The following SPATA31H1 variants were observed in gnomAD, a reference collection of about 807,000 sequenced individuals.
SPATA31H1 encodes the protein spermatogenesis-associated protein 31H1.
At chr2:27,575,042 A>T in the SPATA31H1 span, 3 of 398,594 alleles carry the variant, frequency 7.5e-6, no homozygotes, top group Admixed American at 1.3e-4. The surrounding 1 kb of genome is among the most constrained non-coding windows in gnomAD (Gnocchi z 4.1). Context: ...CTTCACAGTT[A>T]CAAGATAGAA....
chr2:27,563,153 G>T, the SPATA31H1 span, among the ~76,000 whole-genome samples: 2 of 151,958 alleles, frequency 1.3e-5, no homozygotes, highest in South Asian at 2.1e-4. Context: ...CCTGATATTT[G>T]TAAGTTGTTC....
the SPATA31H1 span, chr2:27,573,885 T>A: frequency 2.5e-6 from 1 of 398,466 alleles, no homozygotes; most frequent in South Asian, 1.3e-4. Flanking sequence ...AAGCAAGAAA[T>A]CATCTGAATT....
At chr2:27,554,638 A>G in the SPATA31H1 span, among the ~76,000 whole-genome samples, 1 of 152,000 alleles carries the variant, frequency 6.6e-6, no homozygotes. Context: ...CAGTGGCATG[A>G]TCTCAGCTCA....
At chr2:27,547,643 C>A in the SPATA31H1 span, among the ~76,000 whole-genome samples, 2 of 152,026 alleles carry the variant, frequency 1.3e-5, no homozygotes, top group South Asian at 2.1e-4. Context: ...AAATAATAAG[C>A]CTTCTGATCT....
chr2:27,578,783 C>T, the SPATA31H1 span: 1 of 1,614,076 alleles, frequency 6.2e-7, no homozygotes, highest in Non-Finnish European at 8.5e-7. Context: ...GCTCTTCAAC[C>T]ACACTCATTT....
chr2:27,575,151 A>G, the SPATA31H1 span: 1 of 398,516 alleles, frequency 2.5e-6, no homozygotes. The surrounding 1 kb of genome is among the most constrained non-coding windows in gnomAD (Gnocchi z 4.1). Flanking sequence ...TGGGTTGATA[A>G]AGCTTCAGAC....
At chr2:27,565,901 T>G in the SPATA31H1 span, 1 of 656,194 alleles carries the variant, frequency 1.5e-6, no homozygotes, top group Non-Finnish European at 2.8e-6. Flanking sequence ...ATGGGTTAAG[T>G]CTGAGATCTA....
the SPATA31H1 span, chr2:27,575,251 C>T: frequency 2.5e-6 from 1 of 398,504 alleles, no homozygotes; most frequent in Non-Finnish European, 4.4e-6. The surrounding 1 kb of genome is among the most constrained non-coding windows in gnomAD (Gnocchi z 4.1). Context: ...CATAGTGTGG[C>T]ACCTTCTGAG....
chr2:27,572,903 A>G, the SPATA31H1 span: 1 of 398,244 alleles, frequency 2.5e-6, no homozygotes. Context: ...CCCAAGGACC[A>G]CAGCTGCAAA....
the SPATA31H1 span, among the ~76,000 whole-genome samples, chr2:27,559,377 T>C: frequency 6.6e-5 from 10 of 152,220 alleles, no homozygotes; most frequent in African/African-American, 2.4e-4. Context: ...TTTTTGTTCA[T>C]CTATTCCCAT....
chr2:27,557,838 G>A, the SPATA31H1 span, among the ~76,000 whole-genome samples: 1 of 52,868 alleles, frequency 1.9e-5, no homozygotes, highest in African/African-American at 8.5e-5. Flanking sequence ...CCTCCCTCCC[G>A]GACGGGGCGG....
chr2:27,577,846 G>C, the SPATA31H1 span: 3 of 1,614,156 alleles, frequency 1.9e-6, no homozygotes, highest in African/African-American at 4.0e-5. The surrounding 1 kb of genome is among the most constrained non-coding windows in gnomAD (Gnocchi z 4.5). Flanking sequence ...AAGCAAACAA[G>C]TCAAGTTATA....
the SPATA31H1 span, among the ~76,000 whole-genome samples, chr2:27,561,325 C>T: frequency 4.6e-5 from 7 of 152,050 alleles, no homozygotes; most frequent in African/African-American, 1.7e-4. Flanking sequence ...GAAACTCTGT[C>T]TCAAAACAAA....
chr2:27,538,753 C>T, the SPATA31H1 span, among the ~76,000 whole-genome samples: 1 of 151,960 alleles, frequency 6.6e-6, no homozygotes, highest in African/African-American at 2.4e-5. Context: ...AACACTTGAA[C>T]CTGGGAGGCA....
the SPATA31H1 span, chr2:27,571,937 C>A: frequency 1.8e-5 from 7 of 398,450 alleles, no homozygotes; most frequent in African/African-American, 1.4e-4. Context: ...TGGATTTAAC[C>A]CTTGAGCCTG....
At chr2:27,579,062 A>G in the SPATA31H1 span, 1 of 1,614,204 alleles carries the variant, frequency 6.2e-7, no homozygotes, top group South Asian at 1.1e-5. Flanking sequence ...AGAGGAAGCA[A>G]ATGGAGGAGC....
At chr2:27,579,076 A>G in the SPATA31H1 span, 1 of 1,614,270 alleles carries the variant, frequency 6.2e-7, no homozygotes, top group Non-Finnish European at 8.5e-7. Context: ...GAGGAGCTAG[A>G]GAACTCACTT....
At chr2:27,578,539 A>C in the SPATA31H1 span, 3 of 1,614,080 alleles carry the variant, frequency 1.9e-6, no homozygotes, top group Non-Finnish European at 2.5e-6. Flanking sequence ...CCATGTACTC[A>C]AGTGAAGTCT....
At chr2:27,567,149 G>A in the SPATA31H1 span, 16 of 672,820 alleles carry the variant, frequency 2.4e-5, no homozygotes, top group Admixed American at 2.3e-4. Context: ...AACAAAAAAG[G>A]AAAAAAAATG....
Sources: allele counts gnomAD v4.1 joint callset (sites outside exome capture counted in the v4.1 genomes callset), GRCh38; gene constraint gnomAD v4.1.1; non-coding constraint Gnocchi (gnomAD v3.1); transcripts MANE v1.5; gene names NCBI Gene and HGNC (gene_info 2026-07-23, HGNC 2026-07-21).